The following RAB5IF variants were observed in gnomAD, a reference collection of about 807,000 sequenced individuals.
RAB5IF encodes RAB5 interacting factor.
RAB5IF carries 15 observed loss-of-function variants against 20.3 expected under a neutral mutation model. The ratio of observed to expected loss-of-function variants is 0.74; its 90% CI spans 0.50 to 1.14. RAB5IF has a LOEUF of 1.14. Among genes scored for constraint, RAB5IF ranks in the 50% most tolerant of loss-of-function variants. RAB5IF has a pLI of 0.00. For missense variants in RAB5IF, 148 were observed against 159.5 expected, an observed-to-expected ratio of 0.93 and a Z score of 0.39; for synonymous variants, 67 against 63.7, an observed-to-expected ratio of 1.05 and a Z score of -0.25.
intron 2 of RAB5IF, among the ~76,000 whole-genome samples, chr20:36,609,233 A>ACTATATATAGAGTTTCG (rs2039038541): frequency 7.9e-6 from 1 of 127,058 alleles, no homozygotes; most frequent in South Asian, 2.5e-4. Flanking sequence ...ACACACACAC[A>ACTATATATAGAGTTTCG]CACACACACA....
intron 2 of RAB5IF, 54 bp downstream of exon 2, chr20:36,607,872 C>CT (rs754874923): frequency 6.9e-6 from 11 of 1,605,252 alleles, no homozygotes; most frequent in African/African-American, 6.7e-5. Context: ...TAAATAGAGG[C>CT]TTTTTTTCCT....
rs1484660188 is a variant in RAB5IF at position 36,609,198 on chromosome 20, C to T, written c.219-403C>T. On this transcript the variant is annotated intron_variant, in intron 2 of 3. Coordinates refer to ENST00000344795, the MANE Select transcript of RAB5IF (RefSeq NM_018840.5). Reference sequence around the variant, plus strand: ...ACACACACACACACACACACACGCACACACGCACACACGCACACACGCACA... The same window carrying T: ...ACACACACACACACACACACACGCATACACGCACACACGCACACACGCACA... Among the ~76,000 whole-genome samples the T allele has an allele frequency of 9.0e-4, 48 of 53,340 alleles. 5 individuals carry two copies. The Middle Eastern group carries it at 0.024, about 27-fold the overall frequency. The allele number at this position is 53,340 out of a possible 152,430, so 35.0% of individuals were successfully genotyped here. A position where few individuals can be genotyped will look rare whatever the true frequency, so the allele number is the denominator to read the frequency against.
intron 3 of RAB5IF, among the ~76,000 whole-genome samples, chr20:36,610,798 G>A (rs189904955): frequency 6.6e-6 from 1 of 152,216 alleles, no homozygotes; most frequent in East Asian, 1.9e-4. Context: ...AAAAGACCAT[G>A]TGTTGTGTAA....
intron 3 of RAB5IF, 105 bp from the exon 4 acceptor site, chr20:36,611,905 C>T: frequency 6.9e-7 from 1 of 1,458,368 alleles, no homozygotes; most frequent in South Asian, 1.2e-5. Context: ...ACGGATAGCC[C>T]CTGGAGAGTG....
intron 1 of RAB5IF, 79 bp downstream of exon 1, chr20:36,606,144 C>T (rs2038928954): frequency 6.8e-6 from 6 of 882,780 alleles, no homozygotes; most frequent in Middle Eastern, 3.2e-4. Flanking sequence ...GCGGGCCTGC[C>T]CTCGTCCTCG....
chr20:36,609,190 C>T (rs2039023196), intron 2 of RAB5IF, among the ~76,000 whole-genome samples: 6 of 52,122 alleles, frequency 1.2e-4, no homozygotes, highest in Admixed American at 7.6e-4. Flanking sequence ...CACACACACA[C>T]ACACGCACAC....
chr20:36,608,090 T>A, intron 2 of RAB5IF: 1 of 645,296 alleles, frequency 1.5e-6, no homozygotes, highest in Non-Finnish European at 2.4e-6. Context: ...AGGCTATGAC[T>A]ACTTGTTCGT....
chr20:36,609,057 C>T (rs2039003575), intron 2 of RAB5IF, among the ~76,000 whole-genome samples: 1 of 151,502 alleles, frequency 6.6e-6, no homozygotes, highest in Non-Finnish European at 1.5e-5. Flanking sequence ...TCTCCCATAG[C>T]CACACCCTAG....
chr20:36,605,987 G>A lies in RAB5IF; in HGVS notation c.36G>A (p.Gln12=), dbSNP rs551256031. ...GGCGGCGGAAGGAGGAGCCGCCTCA[G>A]CCGCAGCTGGCCAACGGGGCCCTCA... ...SGGRRKEEPP[Q]PQLANGALKV... The change falls in exon 1 of 4, where the codon CAG becomes CAA. Residue 12 remains glutamine (Q), a synonymous_variant. Transcript: ENST00000344795. 2.6e-6 allele frequency: 4 copies of A among 1,522,968 alleles called. No individual in the cohort carries two copies. In the East Asian group the frequency reaches 1.0e-4, roughly 39 times the overall value. 94.3% of individuals were successfully genotyped at this position (1,522,968 alleles called of 1,614,324 possible).
intron 2 of RAB5IF, among the ~76,000 whole-genome samples, chr20:36,608,558 T>C (rs2038988683): frequency 8.5e-6 from 1 of 117,254 alleles, no homozygotes; most frequent in African/African-American, 6.1e-5. Flanking sequence ...GTCTCATTCT[T>C]TTTTTTTTTT....
At chr20:36,609,840 TC>T (rs2039066017) in intron 3 of RAB5IF, 110 bp downstream of exon 3, 1 of 1,600,694 alleles carries the variant, frequency 6.2e-7, no homozygotes, top group African/African-American at 1.3e-5. Context: ...GTGCTATTTT[TC>T]TAAAGGCTTC....
In RAB5IF at chr20:36,609,714, CTT is replaced by C; in HGVS notation, c.335_336del (p.Phe112CysfsTer17). On this transcript the variant is annotated frameshift_variant, in exon 3 of 4. Transcript: ENST00000344795. LOFTEE classifies it high-confidence loss of function. ...CTCACGAAGGAAGGGTTTATGACCT[CTT>C]TTGCCTTGTTCATGGTATGTGTAGC... The C allele has an allele frequency of 6.2e-7, 1 of 1,614,180 alleles. No homozygotes were observed. The highest frequency in any genetic ancestry group is 8.5e-7 in the Non-Finnish European group (1 of 1,180,036).
rs750068379 is a variant in RAB5IF, at chr20:36,607,760, G to C, written c.160G>C (p.Val54Leu). 2 of 1,614,100 alleles carry C rather than the reference G, an allele frequency of 1.2e-6. No homozygotes were observed. Among genetic ancestry groups the C allele is most frequent in the East Asian group, 4.5e-5 (2 of 44,882 alleles). The change falls in exon 2 of 4, where the codon GTG (valine) becomes CTG (leucine). Residue 54 changes from valine (V) to leucine (L), a missense_variant. Val to Leu is a conservative substitution (Grantham distance 32). Coordinates refer to ENST00000344795, the MANE Select transcript of RAB5IF (RefSeq NM_018840.5). ...CTACTGGTTCCGACAGATCATTGCT[G>C]TGGTCCTGGGTGTCATTTGGGGAGT... Reference protein sequence around the residue: ...VIYWFRQIIAVVLGVIWGVLP... With the variant: ...VIYWFRQIIALVLGVIWGVLP...
chr20:36,611,895 A>G (rs557703099), intron 3 of RAB5IF, 115 bp from the exon 4 acceptor site: 62 of 1,373,882 alleles, frequency 4.5e-5, no homozygotes, highest in Non-Finnish European at 6.2e-5. Flanking sequence ...AGACTGTGCA[A>G]CGGATAGCCC....
chr20:36,607,675 CCA>C, intron 1 of RAB5IF, 38 bp from the exon 2 acceptor site: 2 of 1,610,346 alleles, frequency 1.2e-6, no homozygotes, highest in Non-Finnish European at 1.7e-6. Context: ...CTTGTGGCAC[CCA>C]CTCCAGATAA....
chr20:36,609,229 A>ACACACACACACACACACACC (rs2039037434), intron 2 of RAB5IF, among the ~76,000 whole-genome samples: 1 of 123,734 alleles, frequency 8.1e-6, no homozygotes, highest in Non-Finnish European at 1.6e-5. Context: ...GCACACACAC[A>ACACACACACACACACACACC]CACACACACA....
chr20:36,608,085 A>G (rs190991891), intron 2 of RAB5IF: 163 of 713,562 alleles, frequency 2.3e-4, no homozygotes, highest in Admixed American at 2.1e-3. Context: ...GCAAGAGGCT[A>G]TGACTACTTG....
chr20:36,608,172 C>T (rs944563539), intron 2 of RAB5IF: 10 of 344,954 alleles, frequency 2.9e-5, no homozygotes, highest in South Asian at 1.4e-4. Flanking sequence ...CTGTATTTGA[C>T]GACCATTTCC....
intron 3 of RAB5IF, 69 bp downstream of exon 3, chr20:36,609,799 C>A: frequency 6.2e-7 from 1 of 1,613,562 alleles, no homozygotes; most frequent in Admixed American, 1.7e-5. Context: ...AGGAGGGGAC[C>A]CCACTGATTG....
Sources: allele counts gnomAD v4.1 joint callset (sites outside exome capture counted in the v4.1 genomes callset), GRCh38; gene constraint gnomAD v4.1.1; transcripts MANE v1.5; gene names NCBI Gene and HGNC (gene_info 2026-07-23, HGNC 2026-07-21).